Variants in IFTAP observed in about 807,000 individuals in gnomAD.
IFTAP encodes intraflagellar transport associated protein, also known as intraflagellar transport-associated protein.
A neutral mutation model predicts 19.4 loss-of-function variants in IFTAP; 19 were observed. That is an observed-to-expected ratio of 0.98 (90% CI 0.68 to 1.44). IFTAP has a LOEUF of 1.44. Ranked by LOEUF, IFTAP falls within the 40% of genes most tolerant of loss-of-function variation. IFTAP has a pLI of 0.00. For synonymous variants in IFTAP, 85 were observed against 83.5 expected, an observed-to-expected ratio of 1.02 and a Z score of -0.10; for missense variants, 240 against 253.6, an observed-to-expected ratio of 0.95 and a Z score of 0.36.
rs199873596 is a variant in IFTAP at position 36,622,083 on chromosome 11, A to ATT, written c.137-11196_137-11195dup. 8.0e-5 allele frequency among the ~76,000 whole-genome samples: 11 copies of ATT among 138,170 alleles called. 1 individual carries two copies. Among genetic ancestry groups the ATT allele is most frequent in the African/African-American group, 2.8e-4 (10 of 35,694 alleles). The allele number at this position is 138,170 out of a possible 152,430, so 90.6% of individuals were successfully genotyped here. On this transcript the variant is annotated intron_variant, in intron 2 of 5. Coordinates refer to ENST00000334307, the MANE Select transcript of IFTAP (RefSeq NM_138787.4). ...TTATTTTACTTTAAGCTCTTGTTCT[A>ATT]TTTTTTATTTTTTTTTTTGTGAAGG...
chr11:36,657,147 T>C (rs1590241832), intron 5 of IFTAP, among the ~76,000 whole-genome samples: 1 of 152,306 alleles, frequency 6.6e-6, no homozygotes, highest in Non-Finnish European at 1.5e-5. Flanking sequence ...TGGAAACAGG[T>C]TCTCCTCCTT....
At chr11:36,644,677 G>T (rs376964583) in intron 4 of IFTAP, among the ~76,000 whole-genome samples, 22 of 152,064 alleles carry the variant, frequency 1.4e-4, no homozygotes, top group East Asian at 5.8e-4. Context: ...CCATAAAAAA[G>T]GATGAGTTCA....
chr11:36,617,506 C>T (rs537923693), intron 2 of IFTAP, among the ~76,000 whole-genome samples: 1 of 151,844 alleles, frequency 6.6e-6, no homozygotes, highest in Admixed American at 6.6e-5. Flanking sequence ...TCTCAAGGCT[C>T]TGTAGGTGAT....
intron 5 of IFTAP, among the ~76,000 whole-genome samples, chr11:36,653,762 G>T (rs1853844137): frequency 6.6e-6 from 1 of 152,142 alleles, no homozygotes; most frequent in Non-Finnish European, 1.5e-5. Context: ...ACTCATGCAT[G>T]TCATCATAAG....
rs1853245943 is a variant in IFTAP at position 36,642,268 on chromosome 11, A to G, written c.359-5748A>G. ...ACTAGAAAATCTAGAAGAAATGAAT[A>G]AATTCCTGGACACATACACCCTTCC... On this transcript the variant is annotated intron_variant, in intron 4 of 5. Transcript: ENST00000334307. 2.0e-5 allele frequency among the ~76,000 whole-genome samples: 3 copies of G among 152,234 alleles called. No individual in the cohort carries two copies. The South Asian group carries it at 6.2e-4, about 31-fold the overall frequency.
Position 36,643,519 on chromosome 11 carries a change from A to G in IFTAP, c.359-4497A>G, listed in dbSNP as rs540195328. On this transcript the variant is annotated intron_variant, in intron 4 of 5. Transcript: ENST00000334307. ...CTACTTTAAAGTTCATATGGAACCAAAAAAGAGCCTGCATTGCCAAGACAA... is the reference window on the plus strand; with the variant it reads ...CTACTTTAAAGTTCATATGGAACCAGAAAAGAGCCTGCATTGCCAAGACAA... Among the ~76,000 whole-genome samples, 4 of 152,322 alleles carry G rather than the reference A, an allele frequency of 2.6e-5. No individual in the cohort carries two copies. In the South Asian group the frequency reaches 8.3e-4, roughly 32 times the overall value.
At chr11:36,605,630 A>G (rs925299988) in intron 1 of IFTAP, among the ~76,000 whole-genome samples, 8 of 152,214 alleles carry the variant, frequency 5.3e-5, no homozygotes, top group Non-Finnish European at 8.8e-5. Flanking sequence ...TGACTTGGCA[A>G]AAAGTGAACC....
intron 5 of IFTAP, among the ~76,000 whole-genome samples, chr11:36,650,883 A>T (rs1286265483): frequency 1.3e-5 from 2 of 152,034 alleles, no homozygotes; most frequent in Non-Finnish European, 2.9e-5. Context: ...AAGGACATGA[A>T]CTCATCATTT....
chr11:36,653,430 G>T lies in IFTAP; in HGVS notation c.498+5275G>T, dbSNP rs1188725702. 2.6e-5 allele frequency among the ~76,000 whole-genome samples: 4 copies of T among 152,222 alleles called. No homozygotes were observed. The East Asian group carries it at 5.8e-4, about 22-fold the overall frequency. On this transcript the variant is annotated intron_variant, in intron 5 of 5. Transcript: ENST00000334307. ...TAACAAGTTAATAACTTAATTCATG[G>T]TTGTTTTTGTTTAGCAGCAGGGGAC... is the stretch of plus-strand genomic sequence containing the variant.
intron 4 of IFTAP, among the ~76,000 whole-genome samples, chr11:36,641,557 G>T (rs1272184074): frequency 6.6e-6 from 1 of 152,204 alleles, no homozygotes; most frequent in Non-Finnish European, 1.5e-5. Context: ...GGAGCAGGTT[G>T]TTCAGTTTCC....
chr11:36,614,424 G>T (rs1395157652), intron 2 of IFTAP, among the ~76,000 whole-genome samples: 3 of 148,944 alleles, frequency 2.0e-5, no homozygotes, highest in African/African-American at 7.6e-5. Flanking sequence ...AGTCCTTTGG[G>T]TATATACCCA....
chr11:36,613,236 T>G (rs1158596724), intron 2 of IFTAP, among the ~76,000 whole-genome samples: 1 of 152,044 alleles, frequency 6.6e-6, no homozygotes, highest in African/African-American at 2.4e-5. Flanking sequence ...TTCAATCTTT[T>G]GTGTCTCAGT....
chr11:36,606,521 C>G (rs911230978), intron 1 of IFTAP, among the ~76,000 whole-genome samples: 2 of 152,102 alleles, frequency 1.3e-5, no homozygotes, highest in Non-Finnish European at 2.9e-5. Context: ...AATTAAAGGC[C>G]TAGAAGGATT....
intron 2 of IFTAP, among the ~76,000 whole-genome samples, chr11:36,630,632 G>A (rs538126707): frequency 2.0e-5 from 3 of 151,458 alleles, no homozygotes; most frequent in South Asian, 2.1e-4. Flanking sequence ...AGTACACTGA[G>A]TGATCATGAG....
intron 5 of IFTAP, among the ~76,000 whole-genome samples, chr11:36,648,981 C>T (rs1182232631): frequency 6.6e-6 from 1 of 152,094 alleles, no homozygotes; most frequent in East Asian, 1.9e-4. Flanking sequence ...TCTACATATG[C>T]TTAATAAACA....
intron 1 of IFTAP, chr11:36,597,502 C>A (rs1412201080): frequency 6.6e-6 from 1 of 152,152 alleles, no homozygotes; most frequent in Non-Finnish European, 1.5e-5. Context: ...TTTTCCCAAC[C>A]CCATGCTAAC....
At chr11:36,620,435 T>A (rs924046446) in intron 2 of IFTAP, among the ~76,000 whole-genome samples, 1 of 152,020 alleles carries the variant, frequency 6.6e-6, no homozygotes, top group African/African-American at 2.4e-5. Context: ...GGGAACAAAT[T>A]GACAAATTAT....
intron 2 of IFTAP, among the ~76,000 whole-genome samples, chr11:36,623,947 C>T (rs1252710139): frequency 2.0e-5 from 3 of 151,734 alleles, no homozygotes; most frequent in Non-Finnish European, 1.5e-5. Flanking sequence ...TCTTGACCTA[C>T]AATAGAAAAA....
intron 1 of IFTAP, among the ~76,000 whole-genome samples, chr11:36,600,109 G>A (rs959006653): frequency 1.3e-5 from 2 of 152,202 alleles, no homozygotes; most frequent in African/African-American, 4.8e-5. Flanking sequence ...ATACCATTAG[G>A]AGAGCATTAG....
Sources: allele counts gnomAD v4.1 joint callset (sites outside exome capture counted in the v4.1 genomes callset), GRCh38; gene constraint gnomAD v4.1.1; transcripts MANE v1.5; gene names NCBI Gene and HGNC (gene_info 2026-07-23, HGNC 2026-07-21).